The following DLGAP1 variants were observed in gnomAD, a reference collection of about 807,000 sequenced individuals.
DLGAP1 encodes the protein DLG associated protein 1.
DLGAP1 carries 11 observed loss-of-function variants against 90.8 expected under a neutral mutation model. The ratio of observed to expected loss-of-function variants is 0.12; its 90% confidence interval spans 0.08 to 0.20. The LOEUF is 0.20. DLGAP1 is among the 10% of genes least tolerant of loss of function. The pLI, the probability that DLGAP1 is intolerant of heterozygous loss-of-function variation, is 1.00. For missense variants in DLGAP1, 1,050 were observed against 1,333.8 expected (o/e 0.79, Z 3.31); for synonymous variants, 558 against 540.7 (o/e 1.03, Z -0.44).
chr18:4,361,002 G>A (rs536970594), intron 1 of DLGAP1, among the ~76,000 whole-genome samples: 1 of 152,012 alleles, frequency 6.6e-6, no homozygotes, highest in South Asian at 2.1e-4. Context: ...TATGAAAAGA[G>A]TCAAAAGATG....
intron 7 of DLGAP1, among the ~76,000 whole-genome samples, chr18:3,667,181 G>A (rs940896688): frequency 3.9e-5 from 6 of 151,954 alleles, no homozygotes; most frequent in Admixed American, 6.6e-5. Context: ...AGACTCAAGC[G>A]ATTCTCTTGC....
chr18:4,069,266 A>G (rs910164338), intron 2 of DLGAP1, among the ~76,000 whole-genome samples: 2 of 152,198 alleles, frequency 1.3e-5, no homozygotes, highest in African/African-American at 4.8e-5. Context: ...GTATTTCTTG[A>G]TTAAGTGAAT....
intron 3 of DLGAP1, among the ~76,000 whole-genome samples, chr18:3,932,556 A>C (rs1199215261): frequency 6.6e-6 from 1 of 152,168 alleles, no homozygotes; most frequent in African/African-American, 2.4e-5. Flanking sequence ...CCACGTGGCC[A>C]AAGGGGGTGT....
At chr18:4,305,282 C>T (rs1379972768) in intron 1 of DLGAP1, among the ~76,000 whole-genome samples, 1 of 152,078 alleles carries the variant, frequency 6.6e-6, no homozygotes, top group East Asian at 1.9e-4. Context: ...CGCCTGTAAT[C>T]TCAGCACTTT....
At chr18:3,619,202 T>C (rs1213880772) in intron 7 of DLGAP1, among the ~76,000 whole-genome samples, 1 of 152,198 alleles carries the variant, frequency 6.6e-6, no homozygotes, top group African/African-American at 2.4e-5. Flanking sequence ...GGTACTTAGT[T>C]ATGGCAGCCC....
intron 5 of DLGAP1, among the ~76,000 whole-genome samples, chr18:3,762,528 T>G (rs911497484): frequency 1.3e-5 from 2 of 152,140 alleles, no homozygotes; most frequent in Non-Finnish European, 2.9e-5. Flanking sequence ...TGATAGATTT[T>G]TTTTTCACAA....
At chr18:3,662,694 G>A (rs990794957) in intron 7 of DLGAP1, among the ~76,000 whole-genome samples, 1 of 152,164 alleles carries the variant, frequency 6.6e-6, no homozygotes, top group Non-Finnish European at 1.5e-5. Flanking sequence ...TCCAAGAGCC[G>A]CAGAGAATCA....
intron 4 of DLGAP1, among the ~76,000 whole-genome samples, chr18:3,863,654 G>A (rs974314313): frequency 2.6e-5 from 4 of 152,190 alleles, no homozygotes; most frequent in African/African-American, 9.6e-5. Flanking sequence ...CTGATGCTGA[G>A]TGCATGGATG....
chr18:3,632,351 G>T (rs1376104239), intron 7 of DLGAP1, among the ~76,000 whole-genome samples: 1 of 151,076 alleles, frequency 6.6e-6, no homozygotes, highest in African/African-American at 2.4e-5. Flanking sequence ...GCCCAGGCTG[G>T]AGTGCAGTGG....
At chr18:3,911,998 C>A (rs981608122) in intron 3 of DLGAP1, among the ~76,000 whole-genome samples, 16 of 152,112 alleles carry the variant, frequency 1.1e-4, no homozygotes, top group African/African-American at 3.6e-4. Context: ...CAAGTCCTGT[C>A]GAATCAAAAA....
intron 3 of DLGAP1, among the ~76,000 whole-genome samples, chr18:3,925,923 A>ATAGGTTTGTTTTCCTGTTGAGGTATG (rs2072371652): frequency 6.6e-6 from 1 of 152,348 alleles, no homozygotes; most frequent in South Asian, 2.1e-4. Flanking sequence ...GTTTTAGGAA[A>ATAGGTTTGTTTTCCTGTTGAGGTATG]TAGGTTTGTT....
intron 5 of DLGAP1, among the ~76,000 whole-genome samples, chr18:3,776,176 C>T (rs1387374620): frequency 6.6e-6 from 1 of 152,224 alleles, no homozygotes; most frequent in Admixed American, 6.5e-5. Flanking sequence ...AGTAACAGAT[C>T]GTGTGCACTG....
chr18:4,235,366 AG>A (rs2078386425), intron 1 of DLGAP1, among the ~76,000 whole-genome samples: 1 of 152,158 alleles, frequency 6.6e-6, no homozygotes, highest in Non-Finnish European at 1.5e-5. Context: ...CTCAAATGTG[AG>A]GGGTAACTGG....
At chr18:3,912,504 A>G (rs192840617) in intron 3 of DLGAP1, among the ~76,000 whole-genome samples, 1 of 152,244 alleles carries the variant, frequency 6.6e-6, no homozygotes, top group Admixed American at 6.5e-5. Context: ...ACCAAATACA[A>G]AGCCCTTCCC....
intron 1 of DLGAP1, among the ~76,000 whole-genome samples, chr18:4,392,021 A>T (rs1461943599): frequency 2.0e-5 from 3 of 152,350 alleles, no homozygotes; most frequent in African/African-American, 7.2e-5. Flanking sequence ...AACCCTTAAA[A>T]GGAGAAATTC....
At chr18:3,813,649 A>G (rs2148428515) in intron 5 of DLGAP1, among the ~76,000 whole-genome samples, 1 of 152,254 alleles carries the variant, frequency 6.6e-6, no homozygotes, top group Non-Finnish European at 1.5e-5. Flanking sequence ...ATGTTACTCA[A>G]TTATCTGAAA....
chr18:3,796,012 G>A (rs912425083), intron 5 of DLGAP1, among the ~76,000 whole-genome samples: 1 of 152,102 alleles, frequency 6.6e-6, no homozygotes, highest in African/African-American at 2.4e-5. Context: ...GGGCTAATAC[G>A]ATTAAGGAGT....
chr18:3,713,447 T>C (rs1039011782), intron 7 of DLGAP1, among the ~76,000 whole-genome samples: 6 of 152,192 alleles, frequency 3.9e-5, no homozygotes, highest in African/African-American at 1.4e-4. Flanking sequence ...GATTTGTGCA[T>C]GTGGGGGAGG....
At chr18:4,374,606 A>C (rs2081979330) in intron 1 of DLGAP1, among the ~76,000 whole-genome samples, 1 of 152,192 alleles carries the variant, frequency 6.6e-6, no homozygotes, top group Non-Finnish European at 1.5e-5. Flanking sequence ...CTCTTCTTTA[A>C]ATCTTGAGAT....
Sources: gnomAD v4.1 joint callset for allele counts (sites outside exome capture counted in the v4.1 genomes callset) on GRCh38, gnomAD v4.1.1 for gene constraint, MANE v1.5 for transcripts, NCBI Gene and HGNC (gene_info 2026-07-23, HGNC 2026-07-21) for gene names.